Variants in NKAIN3 observed in about 807,000 individuals in gnomAD.
NKAIN3 encodes the protein sodium/potassium transporting ATPase interacting 3.
A neutral mutation model predicts 30.2 loss-of-function variants in NKAIN3; 25 were observed. The observed-to-expected ratio is 0.83, with a 90% CI of 0.60 to 1.16. NKAIN3 has a LOEUF of 1.16. NKAIN3 is among the 50% of genes most tolerant of loss of function. The pLI is 0.00. For synonymous variants in NKAIN3, 91 were observed against 89.6 expected, an observed-to-expected ratio of 1.02 and a Z score of -0.09; for missense variants, 225 against 254.1, an observed-to-expected ratio of 0.89 and a Z score of 0.78.
intron 4 of NKAIN3, among the ~76,000 whole-genome samples, chr8:62,888,548 G>A (rs950515857): frequency 6.6e-6 from 1 of 152,164 alleles, no homozygotes; most frequent in African/African-American, 2.4e-5. Flanking sequence ...TTTGGGAGCA[G>A]TGGTTTGCCC....
chr8:62,349,693 G>A (rs1217657391), intron 1 of NKAIN3, among the ~76,000 whole-genome samples: 1 of 152,124 alleles, frequency 6.6e-6, no homozygotes, highest in East Asian at 1.9e-4. Context: ...CAGTAGCTAG[G>A]CTATTAAAGT....
At chr8:62,874,501 G>A (rs556816729) in intron 4 of NKAIN3, among the ~76,000 whole-genome samples, 26 of 152,318 alleles carry the variant, frequency 1.7e-4, no homozygotes, top group Non-Finnish European at 2.9e-4. Flanking sequence ...AAACAGGGAA[G>A]AGACGCAACA....
At chr8:62,664,660 T>C (rs1282395414) in intron 3 of NKAIN3, among the ~76,000 whole-genome samples, 1 of 152,146 alleles carries the variant, frequency 6.6e-6, no homozygotes, top group Non-Finnish European at 1.5e-5. Flanking sequence ...TTTTCCTGTA[T>C]TTTAAGTCAT....
Position 62,282,810 on chromosome 8 carries a change from G to A in NKAIN3, c.54+33683G>A, listed in dbSNP as rs371899377. Among the ~76,000 whole-genome samples the A allele has an allele frequency of 2.6e-5, 4 of 152,118 alleles. No homozygotes were observed. In the East Asian group the frequency reaches 5.8e-4, roughly 22 times the overall value. ...ATATACTGTCCTTCTAGGCCTAAGGGCCTGAACTAAACCAAGATTGTGTTT... is the reference window on the plus strand; with the variant it reads ...ATATACTGTCCTTCTAGGCCTAAGGACCTGAACTAAACCAAGATTGTGTTT... On this transcript the variant is annotated intron_variant, in intron 1 of 6. Transcript: ENST00000623646.
At chr8:62,898,104 A>T (rs1250694737) in intron 4 of NKAIN3, among the ~76,000 whole-genome samples, 1 of 152,162 alleles carries the variant, frequency 6.6e-6, no homozygotes, top group African/African-American at 2.4e-5. Context: ...AAAAATAATG[A>T]ATCTCCTGGA....
chr8:62,631,536 GA>G (rs1387261101), intron 3 of NKAIN3, among the ~76,000 whole-genome samples: 1 of 152,146 alleles, frequency 6.6e-6, no homozygotes, highest in Non-Finnish European at 1.5e-5. Flanking sequence ...GCTTTTGAAA[GA>G]AAAGCCAAAA....
At chr8:62,446,303 T>C (rs1805483284) in intron 1 of NKAIN3, among the ~76,000 whole-genome samples, 2 of 152,154 alleles carry the variant, frequency 1.3e-5, no homozygotes, top group Non-Finnish European at 2.9e-5. Context: ...GTTGTTAAAA[T>C]TCCATATGAT....
At chr8:62,561,172 T>G (rs766033548) in intron 1 of NKAIN3, among the ~76,000 whole-genome samples, 2 of 152,156 alleles carry the variant, frequency 1.3e-5, no homozygotes, top group Non-Finnish European at 2.9e-5. Context: ...CAATTTTACC[T>G]CTTCCAAATG....
At chr8:62,758,131 C>T (rs1193805980) in intron 4 of NKAIN3, among the ~76,000 whole-genome samples, 1 of 152,060 alleles carries the variant, frequency 6.6e-6, no homozygotes, top group Non-Finnish European at 1.5e-5. Context: ...CTTGGAGATT[C>T]ACTATGTGAA....
intron 5 of NKAIN3, among the ~76,000 whole-genome samples, chr8:62,929,303 C>T (rs970052898): frequency 6.6e-6 from 1 of 152,152 alleles, no homozygotes; most frequent in Non-Finnish European, 1.5e-5. Context: ...AGCAGGAGGG[C>T]TCTGTGAAAA....
Position 62,687,864 on chromosome 8 carries a change from C to G in NKAIN3, c.274-59068C>G, listed in dbSNP as rs924931707. 7.9e-5 allele frequency among the ~76,000 whole-genome samples: 12 copies of G among 152,228 alleles called. 1 individual carries two copies. Among genetic ancestry groups the G allele is most frequent in the Non-Finnish European group, 1.8e-4 (12 of 68,040 alleles). Reference sequence around the variant, plus strand: ...GATTGGAAAGCCAAAAGATAGCAAGCTTTCTCTGATTGCTGTTCTGTAGAT... The same window carrying G: ...GATTGGAAAGCCAAAAGATAGCAAGGTTTCTCTGATTGCTGTTCTGTAGAT... On this transcript the variant is annotated intron_variant, in intron 3 of 6. Transcript: ENST00000623646.
chr8:62,797,111 T>A (rs1586205133), intron 4 of NKAIN3, among the ~76,000 whole-genome samples: 1 of 152,352 alleles, frequency 6.6e-6, no homozygotes, highest in South Asian at 2.1e-4. Flanking sequence ...AAAGCAGAAT[T>A]TCTTTGTTTC....
At position 62,965,620 on chromosome 8, in the gene NKAIN3, T is replaced by TAA. The variant is rs35150872; in HGVS notation, c.*228_*229dup. 0.041 allele frequency: 35,876 copies of TAA among 878,920 alleles called. 75 individuals are homozygous for TAA. Among genetic ancestry groups the TAA allele is most frequent in the Middle Eastern group, 0.048 (81 of 1,688 alleles). 54.4% of individuals were successfully genotyped at this position (878,920 alleles called of 1,614,324 possible). A position where few individuals can be genotyped will look rare whatever the true frequency, so the allele number is the denominator to read the frequency against. On this transcript the variant is annotated 3_prime_UTR_variant, in exon 7 of 7. Transcript: ENST00000623646. ...TTCTTATATGAACACTTGTAAGTTG[T>TAA]AAAAAAAAAAAAAAAAGAAAAAACA...
intron 4 of NKAIN3, among the ~76,000 whole-genome samples, chr8:62,828,163 A>G (rs1409753441): frequency 1.3e-5 from 2 of 152,212 alleles, no homozygotes; most frequent in Non-Finnish European, 2.9e-5. Flanking sequence ...AAAAGACAAC[A>G]TATTTTGTTG....
intron 1 of NKAIN3, among the ~76,000 whole-genome samples, chr8:62,296,478 A>C (rs1813834599): frequency 6.6e-6 from 1 of 152,166 alleles, no homozygotes; most frequent in South Asian, 2.1e-4. Flanking sequence ...CTTATGTTTG[A>C]AAATCTTTGA....
intron 3 of NKAIN3, among the ~76,000 whole-genome samples, chr8:62,738,663 C>A (rs1053253200): frequency 6.6e-6 from 1 of 151,206 alleles, no homozygotes; most frequent in Non-Finnish European, 1.5e-5. Flanking sequence ...CCTTTGCCCA[C>A]TTTTTGATGG....
intron 3 of NKAIN3, among the ~76,000 whole-genome samples, chr8:62,742,206 AT>A (rs558300450): frequency 2.6e-5 from 4 of 152,148 alleles, no homozygotes; most frequent in Non-Finnish European, 1.5e-5. Context: ...TCAGGCTTAA[AT>A]AACATCTTCA....
At chr8:62,304,525 T>C (rs1814161231) in intron 1 of NKAIN3, among the ~76,000 whole-genome samples, 2 of 149,774 alleles carry the variant, frequency 1.3e-5, no homozygotes, top group Non-Finnish European at 2.9e-5. Context: ...AATCAGGGTA[T>C]TTAGCACATC....
chr8:62,677,223 C>G (rs770334351), intron 3 of NKAIN3, among the ~76,000 whole-genome samples: 3 of 152,070 alleles, frequency 2.0e-5, no homozygotes, highest in Non-Finnish European at 4.4e-5. Context: ...GAGATCTGAG[C>G]GGTGATATAT....
Sources: gnomAD v4.1 joint callset for allele counts (sites outside exome capture counted in the v4.1 genomes callset) on GRCh38, gnomAD v4.1.1 for gene constraint, MANE v1.5 for transcripts, NCBI Gene and HGNC (gene_info 2026-07-23, HGNC 2026-07-21) for gene names.